SYTL3: variants seen among roughly 807,000 people sequenced by gnomAD.
SYTL3 encodes synaptotagmin-like protein 3.
In SYTL3, 88 loss-of-function variants were observed where a neutral mutation model predicts 82.1. That is an observed-to-expected ratio of 1.07 (90% CI 0.90 to 1.28). SYTL3 has a LOEUF of 1.28. Ranked by LOEUF, SYTL3 falls within the 50% of genes most tolerant of loss-of-function variation. The pLI is 0.00. For missense variants in SYTL3, 831 were observed against 757.6 expected, an observed-to-expected ratio of 1.10 and a Z score of -1.14; for synonymous variants, 311 against 289.4, an observed-to-expected ratio of 1.07 and a Z score of -0.76.
chr6:158,729,554 T>C (rs1045696397), intron 11 of SYTL3, among the ~76,000 whole-genome samples: 1 of 151,014 alleles, frequency 6.6e-6, no homozygotes, highest in African/African-American at 2.4e-5. Flanking sequence ...TACTGTACTT[T>C]ACTTTCTTTT....
At chr6:158,708,485 A>G (rs1373101840) in intron 8 of SYTL3, 94 bp downstream of exon 8, 1 of 1,214,108 alleles carries the variant, frequency 8.2e-7, no homozygotes, top group African/African-American at 1.5e-5. Context: ...CGGGCACGGA[A>G]CCTCCCAGCA....
intron 1 of SYTL3, 143 bp from the exon 2 acceptor site, chr6:158,651,607 AAAT>A (rs1318789293): frequency 7.2e-5 from 11 of 152,020 alleles, no homozygotes; most frequent in African/African-American, 2.4e-4. Context: ...ATAAATAAAT[AAAT>A]AATAATATTA....
At chr6:158,763,631 T>C in intron 17 of SYTL3, 122 bp downstream of exon 17, 2 of 798,650 alleles carry the variant, frequency 2.5e-6, no homozygotes. Flanking sequence ...CTAGCCTGCC[T>C]TAATTGGAAA....
At chr6:158,723,648 T>G (rs767121758) in intron 10 of SYTL3, among the ~76,000 whole-genome samples, 2 of 152,228 alleles carry the variant, frequency 1.3e-5, no homozygotes, top group Non-Finnish European at 2.9e-5. Flanking sequence ...TCCAGGACTT[T>G]CTTCTAGTAA....
chr6:158,692,010 C>G (rs1190768458), intron 6 of SYTL3, among the ~76,000 whole-genome samples: 1 of 145,522 alleles, frequency 6.9e-6, no homozygotes, highest in Non-Finnish European at 1.5e-5. Context: ...GTAATTCCAG[C>G]ACTTTGGGAG....
chr6:158,671,401 A>G (rs1777366925), intron 5 of SYTL3, among the ~76,000 whole-genome samples: 1 of 152,184 alleles, frequency 6.6e-6, no homozygotes. Flanking sequence ...GGGAGCCCCA[A>G]GAGAGTTTTT....
intron 14 of SYTL3, 140 bp from the exon 15 acceptor site, chr6:158,760,500 C>T (rs1789761303): frequency 3.0e-6 from 2 of 671,094 alleles, no homozygotes; most frequent in African/African-American, 3.6e-5. Flanking sequence ...CCAGTCCTGC[C>T]ACGGACACAC....
At chr6:158,733,064 C>A (rs945945506) in intron 11 of SYTL3, among the ~76,000 whole-genome samples, 1 of 151,044 alleles carries the variant, frequency 6.6e-6, no homozygotes, top group Non-Finnish European at 1.5e-5. Context: ...ATAATAATTT[C>A]TTTTAAAAAC....
chr6:158,649,452 C>T (rs1336149830), upstream of SYTL3, among the ~76,000 whole-genome samples: 1 of 152,220 alleles, frequency 6.6e-6, no homozygotes, highest in Non-Finnish European at 1.5e-5. Context: ...GCCAAGCCTA[C>T]GTGGCACGTG....
At chr6:158,677,936 C>A (rs1017536663) in intron 5 of SYTL3, among the ~76,000 whole-genome samples, 9 of 152,094 alleles carry the variant, frequency 5.9e-5, no homozygotes, top group Non-Finnish European at 1.5e-5. Context: ...ATTGCCCAGA[C>A]TGGAGTGCAG....
At chr6:158,695,030 T>G (rs769484651) in intron 6 of SYTL3, among the ~76,000 whole-genome samples, 16 of 152,206 alleles carry the variant, frequency 1.1e-4, no homozygotes, top group Non-Finnish European at 1.5e-4. Context: ...CTTTTGGGAG[T>G]TGGCAAACAA....
chr6:158,662,035 C>T (rs1323489246), intron 3 of SYTL3, among the ~76,000 whole-genome samples: 1 of 152,180 alleles, frequency 6.6e-6, no homozygotes, highest in Non-Finnish European at 1.5e-5. Context: ...AGGTTAAGAA[C>T]CTTTGCTTAA....
chr6:158,656,158 C>G (rs1356689008), intron 2 of SYTL3, among the ~76,000 whole-genome samples: 2 of 152,198 alleles, frequency 1.3e-5, no homozygotes, highest in African/African-American at 4.8e-5. Flanking sequence ...AGTATTGTCA[C>G]ATCTGCCGTC....
At chr6:158,645,536 TC>T (rs1212259177), upstream of SYTL3, among the ~76,000 whole-genome samples, 4 of 152,090 alleles carry the variant, frequency 2.6e-5, no homozygotes, top group African/African-American at 9.7e-5. Flanking sequence ...CACTTCCCAT[TC>T]CCCAAGAAAG....
intron 17 of SYTL3, among the ~76,000 whole-genome samples, 176 bp downstream of exon 17, chr6:158,763,685 C>T (rs1790321207): frequency 6.6e-6 from 1 of 152,126 alleles, no homozygotes; most frequent in African/African-American, 2.4e-5. Flanking sequence ...CATAATACAG[C>T]CAAGTATTTT....
At chr6:158,666,277 A>C (rs1790043066) in intron 5 of SYTL3, among the ~76,000 whole-genome samples, 1 of 152,196 alleles carries the variant, frequency 6.6e-6, no homozygotes, top group African/African-American at 2.4e-5. Flanking sequence ...GCGTTTTTGA[A>C]GCTGACCTGT....
chr6:158,670,301 T>G (rs1015198614), intron 5 of SYTL3, among the ~76,000 whole-genome samples: 1 of 152,192 alleles, frequency 6.6e-6, no homozygotes, highest in Admixed American at 6.6e-5. Flanking sequence ...ATATCTACCC[T>G]TCAAGTGAGT....
intron 12 of SYTL3, among the ~76,000 whole-genome samples, chr6:158,748,073 G>GTT (rs769328691): frequency 3.0e-4 from 37 of 122,924 alleles, no homozygotes; most frequent in African/African-American, 4.2e-4. Flanking sequence ...TCTTCTTATC[G>GTT]TTTTTTTTTT....
At chr6:158,743,810 CA>C (rs1448823124) in intron 11 of SYTL3, among the ~76,000 whole-genome samples, 1 of 151,948 alleles carries the variant, frequency 6.6e-6, no homozygotes, top group African/African-American at 2.4e-5. Flanking sequence ...ATGGTGTTGA[CA>C]GGTGAGATTT....
Sources: allele counts gnomAD v4.1 joint callset (sites outside exome capture counted in the v4.1 genomes callset), GRCh38; gene constraint gnomAD v4.1.1; transcripts MANE v1.5; gene names NCBI Gene and HGNC (gene_info 2026-07-23, HGNC 2026-07-21).